The following ITPRIP variants were observed in gnomAD, a reference collection of about 807,000 sequenced individuals.
The protein encoded by ITPRIP is inositol 1,4,5-trisphosphate receptor-interacting protein.
In ITPRIP, 32 loss-of-function variants were observed where a neutral mutation model predicts 35.8. That is an observed-to-expected ratio of 0.89 (90% CI 0.68 to 1.20). The LOEUF (loss-of-function observed/expected upper bound fraction) is 1.20. Ranked by LOEUF, ITPRIP falls within the 50% of genes most tolerant of loss-of-function variation. The probability of loss-of-function intolerance (pLI) is 0.00; values close to 1 mark genes in which losing one functional copy is unlikely to be tolerated. For missense variants in ITPRIP, 653 were observed against 735.6 expected, an observed-to-expected ratio of 0.89 and a Z score of 1.30; for synonymous variants, 358 against 324.0, an observed-to-expected ratio of 1.11 and a Z score of -1.13.
chr10:104,332,903 C>T (rs1441898084), intron 1 of ITPRIP, among the ~76,000 whole-genome samples: 1 of 152,232 alleles, frequency 6.6e-6, no homozygotes, highest in Non-Finnish European at 1.5e-5. Context: ...ATTCCATACA[C>T]TCTTCCTCTC....
intron 1 of ITPRIP, among the ~76,000 whole-genome samples, chr10:104,319,050 A>G (rs955633026): frequency 6.6e-6 from 1 of 152,236 alleles, no homozygotes; most frequent in African/African-American, 2.4e-5. Flanking sequence ...GACAAGACTC[A>G]ACAGAAGCAC....
chr10:104,327,783 C>T (rs888084603), intron 1 of ITPRIP, among the ~76,000 whole-genome samples: 2 of 152,188 alleles, frequency 1.3e-5, no homozygotes, highest in African/African-American at 4.8e-5. Context: ...GCAGCAACCC[C>T]GGGGGAGGGG....
At position 104,314,227 on chromosome 10, in the gene ITPRIP, C is replaced by G. The variant is rs2013563425; in HGVS notation, c.*181G>C. The stretch of plus-strand genomic sequence containing the variant: ...GCAGATCCCAATGGTATGAAGCAAA[C>G]CAGCTTCCCGTTGAAATTCTGTTTC... On this transcript the variant is annotated 3_prime_UTR_variant, in exon 2 of 2. Coordinates refer to ENST00000337478, the MANE Select transcript of ITPRIP (RefSeq NM_001272013.2). The G allele has an allele frequency of 7.1e-7, 1 of 1,418,288 alleles. No individual in the cohort carries two copies. Among genetic ancestry groups the G allele is most frequent in the Non-Finnish European group, 9.2e-7 (1 of 1,089,322 alleles). The allele number at this position is 1,418,288 out of a possible 1,614,324, so 87.9% of individuals were successfully genotyped here.
chr10:104,337,770 A>C (rs1251297717), intron 1 of ITPRIP, among the ~76,000 whole-genome samples: 1 of 151,892 alleles, frequency 6.6e-6, no homozygotes, highest in Admixed American at 6.6e-5. Context: ...AAAAAACTTC[A>C]CGCCTATTCC....
In ITPRIP at chr10:104,319,266, G is replaced by T. The variant is rs1028420139; in HGVS notation, c.-13-3202C>A. ...CGGGTGAGTGAGATCATACACCTTG[G>T]GTGCTTAGCACCGTGCCTGGCACAG... On this transcript the variant is annotated intron_variant, in intron 1 of 1. Transcript: ENST00000337478. 7.2e-5 allele frequency among the ~76,000 whole-genome samples: 11 copies of T among 152,300 alleles called. 1 individual carries two copies. The highest frequency in any genetic ancestry group is 2.4e-4 in the African/African-American group (10 of 41,564).
chr10:104,317,345 C>T (rs940808611), intron 1 of ITPRIP, among the ~76,000 whole-genome samples: 11 of 152,140 alleles, frequency 7.2e-5, no homozygotes, highest in Non-Finnish European at 1.0e-4. Flanking sequence ...CTTTGCAATT[C>T]GAAGTATGAT....
chr10:104,330,665 TGGGA>T (rs1313235892), intron 1 of ITPRIP, among the ~76,000 whole-genome samples: 1 of 152,218 alleles, frequency 6.6e-6, no homozygotes, highest in African/African-American at 2.4e-5. Context: ...TGACACACCA[TGGGA>T]GGGTTTAATG....
intron 1 of ITPRIP, among the ~76,000 whole-genome samples, chr10:104,334,072 C>T (rs549300300): frequency 3.3e-5 from 5 of 152,316 alleles, no homozygotes; most frequent in South Asian, 4.1e-4. Flanking sequence ...GCCCAACCAC[C>T]GAGTGGTGGA....
chr10:104,335,544 G>A (rs1325628306), intron 1 of ITPRIP, among the ~76,000 whole-genome samples: 1 of 152,132 alleles, frequency 6.6e-6, no homozygotes, highest in Non-Finnish European at 1.5e-5. Flanking sequence ...AGAGATTAAG[G>A]AAAGTCACTT....
At chr10:104,318,707 G>A (rs1236666466) in intron 1 of ITPRIP, among the ~76,000 whole-genome samples, 3 of 152,220 alleles carry the variant, frequency 2.0e-5, no homozygotes, top group Non-Finnish European at 4.4e-5. Context: ...GGATAGACTC[G>A]AGAGGAGACA....
intron 1 of ITPRIP, among the ~76,000 whole-genome samples, chr10:104,319,442 C>T (rs1393082853): frequency 6.6e-6 from 1 of 152,222 alleles, no homozygotes; most frequent in Non-Finnish European, 1.5e-5. Context: ...TCCTCCTTGG[C>T]ACACCCCTGA....
chr10:104,315,907 G>T lies in ITPRIP; in HGVS notation c.145C>A (p.Gln49Lys), dbSNP rs760200113. The T allele has an allele frequency of 4.3e-6, 7 of 1,613,932 alleles. No homozygotes were observed. The highest frequency in any genetic ancestry group is 5.9e-6 in the Non-Finnish European group (7 of 1,180,000). Residue 49 changes from glutamine (Q) to lysine (K), a missense_variant, in exon 2 of 2, where the codon CAG becomes AAG. By Grantham distance (53) the Gln-to-Lys change is moderately conservative. Coordinates refer to ENST00000337478, the MANE Select transcript of ITPRIP (RefSeq NM_001272013.2). The surrounding 1 kb of genome is among the most constrained non-coding windows in gnomAD (Gnocchi z 5.7). ...TCCTCCAGGCGCAACTGCTCCAGCT[G>T]CAGCTTCTCCTGGTGCGCCTGCATC... Reference protein sequence around the residue: ...RKMQAHQEKLQLEQLRLEEEV... With the variant: ...RKMQAHQEKLKLEQLRLEEEV...
chr10:104,315,449 C>CT lies in ITPRIP; in HGVS notation c.602dup (p.Val202GlyfsTer154), dbSNP rs1477128903. On this transcript the variant is annotated frameshift_variant, in exon 2 of 2. Coordinates refer to ENST00000337478, the MANE Select transcript of ITPRIP (RefSeq NM_001272013.2). LOFTEE classifies it high-confidence loss of function. This position sits in a 1 kb window ranked among gnomAD's most constrained non-coding sequence, Gnocchi z 5.7. Reference sequence around the variant, plus strand: ...GGTGGCACAGCAGTGGCCTGTCCACCTGCCAGTTCTCGTACATGCTGTCCA... The same window carrying CT: ...GGTGGCACAGCAGTGGCCTGTCCACCTTGCCAGTTCTCGTACATGCTGTCCA... 1 of 1,609,304 alleles carries CT rather than the reference C, an allele frequency of 6.2e-7. No individual in the cohort carries two copies. The highest frequency in any genetic ancestry group is 2.2e-5 in the East Asian group (1 of 44,804).
In ITPRIP at chr10:104,313,707, G is replaced by A. The variant is rs2013548667; in HGVS notation, c.*701C>T. ...AGAAGGGGGTGCACCTGAGTGAGAAGTGTAGGGTGCAGCTGAGTGAGAAGT... is the reference window on the plus strand; with the variant it reads ...AGAAGGGGGTGCACCTGAGTGAGAAATGTAGGGTGCAGCTGAGTGAGAAGT... On this transcript the variant is annotated 3_prime_UTR_variant, in exon 2 of 2. Coordinates refer to ENST00000337478, the MANE Select transcript of ITPRIP (RefSeq NM_001272013.2). The A allele has an allele frequency of 1.0e-6, 1 of 985,476 alleles. No individual in the cohort carries two copies. The highest frequency in any genetic ancestry group is 1.2e-6 in the Non-Finnish European group (1 of 829,968). The allele number at this position is 985,476 out of a possible 1,614,324, so 61.0% of individuals were successfully genotyped here. A position where few individuals can be genotyped will look rare whatever the true frequency, so the allele number is the denominator to read the frequency against.
In ITPRIP at chr10:104,312,846, ATGGCCGGCTTAAACC is replaced by A; in HGVS notation, c.*1547_*1561del. ...AAGTTGGTTATGCTCTCGGGAAGGC[ATGGCCGGCTTAAACC>A]CTGGAGGAACACGGTATATTCTTGA... On this transcript the variant is annotated 3_prime_UTR_variant, in exon 2 of 2. Coordinates refer to ENST00000337478, the MANE Select transcript of ITPRIP (RefSeq NM_001272013.2). 1 of 985,420 alleles carries A rather than the reference ATGGCCGGCTTAAACC, an allele frequency of 1.0e-6. No homozygotes were observed. The highest frequency in any genetic ancestry group is 1.7e-5 in the African/African-American group (1 of 57,342). The allele number at this position is 985,420 out of a possible 1,614,324, so 61.0% of individuals were successfully genotyped here.
chr10:104,321,905 G>A (rs573593206), intron 1 of ITPRIP, among the ~76,000 whole-genome samples: 26 of 152,046 alleles, frequency 1.7e-4, no homozygotes, highest in Non-Finnish European at 2.6e-4. Context: ...CTACATGTAC[G>A]GAGCACATAC....
At position 104,311,580 on chromosome 10, in the gene ITPRIP, G is replaced by C. The variant is rs1251812270; in HGVS notation, c.*2828C>G. ...TTCAGCCAGGCATGCAGAGGGGCTAGAGCTTTTGAGGATATAAGGCCCTTC... is the reference window on the plus strand; with the variant it reads ...TTCAGCCAGGCATGCAGAGGGGCTACAGCTTTTGAGGATATAAGGCCCTTC... On this transcript the variant is annotated 3_prime_UTR_variant, in exon 2 of 2. Coordinates refer to ENST00000337478, the MANE Select transcript of ITPRIP (RefSeq NM_001272013.2). The C allele has an allele frequency of 1.3e-5, 2 of 152,234 alleles. No individual in the cohort carries two copies. Among genetic ancestry groups the C allele is most frequent in the Non-Finnish European group, 2.9e-5 (2 of 68,054 alleles). The allele number at this position is 152,234 out of a possible 1,614,324, so 9.4% of individuals were successfully genotyped here.
chr10:104,330,502 CCT>C (rs1416728392), intron 1 of ITPRIP, among the ~76,000 whole-genome samples: 1 of 152,178 alleles, frequency 6.6e-6, no homozygotes, highest in Non-Finnish European at 1.5e-5. Context: ...AGGAATGAAC[CCT>C]GACACGTTTT....
chr10:104,325,588 C>G (rs564177632), intron 1 of ITPRIP, among the ~76,000 whole-genome samples: 2 of 152,330 alleles, frequency 1.3e-5, no homozygotes, highest in African/African-American at 4.8e-5. Context: ...TCTGCAAGGA[C>G]TAGAAGAAAA....
Sources: allele counts gnomAD v4.1 joint callset (sites outside exome capture counted in the v4.1 genomes callset), GRCh38; gene constraint gnomAD v4.1.1; non-coding constraint Gnocchi (gnomAD v3.1); transcripts MANE v1.5; gene names NCBI Gene and HGNC (gene_info 2026-07-23, HGNC 2026-07-21).